FAM241A: variants seen among roughly 807,000 people sequenced by gnomAD.
The protein encoded by FAM241A is uncharacterized protein FAM241A.
A neutral mutation model predicts 12.2 loss-of-function variants in FAM241A; 7 were observed. The observed-to-expected ratio is 0.58, with a 90% confidence interval of 0.33 to 1.08. The LOEUF (loss-of-function observed/expected upper bound fraction) is 1.08. FAM241A is among the 50% of genes least tolerant of loss of function. The pLI is 0.04. For synonymous variants in FAM241A, 74 were observed against 68.2 expected, an observed-to-expected ratio of 1.08 and a Z score of -0.42; for missense variants, 161 against 169.7, an observed-to-expected ratio of 0.95 and a Z score of 0.29.
chr4:112,185,656 T>G (rs1724022603), intron 1 of FAM241A, among the ~76,000 whole-genome samples: 1 of 152,150 alleles, frequency 6.6e-6, no homozygotes, highest in Admixed American at 6.5e-5. Flanking sequence ...TGCCTGGTAC[T>G]GATTTCTCTG....
At chr4:112,183,946 CATAAT>C (rs1210555821) in intron 1 of FAM241A, among the ~76,000 whole-genome samples, 39 of 151,520 alleles carry the variant, frequency 2.6e-4, no homozygotes, top group Admixed American at 9.8e-4. Flanking sequence ...TTGACCCAGT[CATAAT>C]ATATCAGTGA....
At chr4:112,145,817 C>T (rs939627486) in intron 1 of FAM241A, 84 bp downstream of exon 1, 2 of 849,960 alleles carry the variant, frequency 2.4e-6, no homozygotes, top group African/African-American at 3.6e-5. Context: ...GGGCCCGGCC[C>T]GCGGGCCGCG....
chr4:112,184,888 T>C lies in FAM241A; in HGVS notation c.154-1805T>C, dbSNP rs114235291. 5.0e-3 allele frequency among the ~76,000 whole-genome samples: 755 copies of C among 152,290 alleles called. 6 individuals carry two copies. The highest frequency in any genetic ancestry group is 0.017 in the African/African-American group (712 of 41,562). ...GATCGATGACTGAAATGATCAAGCT[T>C]TGGTTTCTACTAAAAGAATGTAAGT... On this transcript the variant is annotated intron_variant, in intron 1 of 1. Transcript: ENST00000309733.
At chr4:112,158,648 A>T (rs748470783) in intron 1 of FAM241A, among the ~76,000 whole-genome samples, 1 of 152,148 alleles carries the variant, frequency 6.6e-6, no homozygotes, top group Non-Finnish European at 1.5e-5. Flanking sequence ...AGAAAGGTAG[A>T]CAGGGAATGT....
At chr4:112,146,034 G>A (rs1723130210) in intron 1 of FAM241A, among the ~76,000 whole-genome samples, 1 of 152,158 alleles carries the variant, frequency 6.6e-6, no homozygotes, top group Non-Finnish European at 1.5e-5. Flanking sequence ...CCCAGGGCTC[G>A]GAGGAAATGC....
At position 112,195,151 on chromosome 4, in the gene FAM241A, C is replaced by A. The variant is rs1170705052; in HGVS notation, c.*8213C>A. ...AAGTATCGAAGCGTGGTGTTTTAGGCTCCAGAAGAAATCCACTATTACAGT... is the reference window on the plus strand; with the variant it reads ...AAGTATCGAAGCGTGGTGTTTTAGGATCCAGAAGAAATCCACTATTACAGT... On this transcript the variant is annotated 3_prime_UTR_variant, in exon 2 of 2. Coordinates refer to ENST00000309733, the MANE Select transcript of FAM241A (RefSeq NM_152400.3). 1.3e-5 allele frequency: 2 copies of A among 152,206 alleles called. No individual in the cohort carries two copies. Among genetic ancestry groups the A allele is most frequent in the Non-Finnish European group, 2.9e-5 (2 of 68,028 alleles). 9.4% of individuals were successfully genotyped at this position (152,206 alleles called of 1,614,324 possible). A position where few individuals can be genotyped will look rare whatever the true frequency, so the allele number is the denominator to read the frequency against.
intron 1 of FAM241A, among the ~76,000 whole-genome samples, chr4:112,155,542 TATA>T (rs1723336253): frequency 1.3e-5 from 2 of 151,758 alleles, no homozygotes; most frequent in South Asian, 4.1e-4. Context: ...TATAATATAA[TATA>T]ATGCTATTAT....
intron 1 of FAM241A, among the ~76,000 whole-genome samples, chr4:112,155,647 A>G (rs1723338456): frequency 6.6e-6 from 1 of 152,096 alleles, no homozygotes; most frequent in Non-Finnish European, 1.5e-5. Context: ...AACTTCATGT[A>G]GAGTCCAATA....
chr4:112,145,834 C>G (rs2110416583), intron 1 of FAM241A, 101 bp downstream of exon 1: 1 of 721,292 alleles, frequency 1.4e-6, no homozygotes, highest in Admixed American at 5.5e-5. Context: ...CGCGCCGCAG[C>G]TCTGCCCCGC....
intron 1 of FAM241A, among the ~76,000 whole-genome samples, chr4:112,182,396 TAACTC>T (rs1397483534): frequency 2.0e-5 from 3 of 152,196 alleles, no homozygotes; most frequent in African/African-American, 4.8e-5. Context: ...TTGTATCTCA[TAACTC>T]AAGTCATAAT....
chr4:112,155,848 A>G (rs1375876305), intron 1 of FAM241A, among the ~76,000 whole-genome samples: 1 of 152,232 alleles, frequency 6.6e-6, no homozygotes, highest in African/African-American at 2.4e-5. Context: ...AATTAGAGGT[A>G]TAAGTTAGTT....
At chr4:112,164,631 C>T (rs889038155) in intron 1 of FAM241A, among the ~76,000 whole-genome samples, 9 of 152,064 alleles carry the variant, frequency 5.9e-5, no homozygotes, top group African/African-American at 2.2e-4. Context: ...GAAAAAAAAG[C>T]TTCTGCACAG....
intron 1 of FAM241A, among the ~76,000 whole-genome samples, chr4:112,162,513 A>G (rs903797388): frequency 5.3e-5 from 8 of 152,238 alleles, no homozygotes; most frequent in African/African-American, 1.4e-4. Flanking sequence ...CTCCACACCA[A>G]TAACAGACAA....
intron 1 of FAM241A, among the ~76,000 whole-genome samples, chr4:112,174,811 C>A (rs1236419561): frequency 6.6e-6 from 1 of 152,168 alleles, no homozygotes; most frequent in Non-Finnish European, 1.5e-5. Context: ...AGGACAATAG[C>A]CTCAATGGCA....
chr4:112,145,837 T>G, intron 1 of FAM241A, 104 bp downstream of exon 1: 2 of 684,060 alleles, frequency 2.9e-6, no homozygotes, highest in African/African-American at 1.9e-5. Context: ...GCCGCAGCTC[T>G]GCCCCGCGTG....
chr4:112,167,199 A>G (rs1486715188), intron 1 of FAM241A, among the ~76,000 whole-genome samples: 2 of 152,108 alleles, frequency 1.3e-5, no homozygotes, highest in Non-Finnish European at 2.9e-5. Context: ...AATCTTCAGC[A>G]TATAAACTAT....
intron 1 of FAM241A, among the ~76,000 whole-genome samples, chr4:112,183,702 A>AT (rs954293607): frequency 1.3e-5 from 2 of 151,914 alleles, no homozygotes; most frequent in African/African-American, 4.8e-5. Context: ...AAAAAAAAAA[A>AT]TTTTTTTAAG....
At chr4:112,165,428 A>G (rs1017712708) in intron 1 of FAM241A, among the ~76,000 whole-genome samples, 2 of 150,674 alleles carry the variant, frequency 1.3e-5, no homozygotes, top group Non-Finnish European at 3.0e-5. Context: ...AAAGGAAATT[A>G]GTATCTCAAA....
intron 1 of FAM241A, among the ~76,000 whole-genome samples, chr4:112,157,663 C>A: frequency 6.6e-6 from 1 of 152,122 alleles, no homozygotes; most frequent in East Asian, 1.9e-4. Context: ...AAATCGATTT[C>A]TTTTTGACAT....
Sources: gnomAD v4.1 joint callset for allele counts (sites outside exome capture counted in the v4.1 genomes callset) on GRCh38, gnomAD v4.1.1 for gene constraint, MANE v1.5 for transcripts, NCBI Gene and HGNC (gene_info 2026-07-23, HGNC 2026-07-21) for gene names.